Variants in FAM200B observed in about 807,000 individuals in gnomAD.
FAM200B encodes the protein zinc finger BED-type containing 11.
In FAM200B, 32 loss-of-function variants were observed where a neutral mutation model predicts 33.1. That is an observed-to-expected ratio of 0.97 (90% CI 0.73 to 1.30). The LOEUF (loss-of-function observed/expected upper bound fraction) is 1.30, where lower values mean the gene tolerates loss of function less well. Ranked by LOEUF, FAM200B falls within the 50% of genes most tolerant of loss-of-function variation. The probability of loss-of-function intolerance (pLI) is 0.00; values close to 1 mark genes in which losing one functional copy is unlikely to be tolerated. For missense variants in FAM200B, 741 were observed against 754.0 expected, an observed-to-expected ratio of 0.98 and a Z score of 0.20; for synonymous variants, 240 against 264.8, an observed-to-expected ratio of 0.91 and a Z score of 0.91.
the FAM200B span, among the ~76,000 whole-genome samples, chr4:15,655,831 G>A: frequency 6.6e-6 from 1 of 152,220 alleles, no homozygotes; most frequent in African/African-American, 2.4e-5. Flanking sequence ...GCCCGTGCCA[G>A]ATTTTTCCTG....
the FAM200B span, among the ~76,000 whole-genome samples, chr4:15,641,043 A>G: frequency 6.6e-6 from 1 of 152,182 alleles, no homozygotes; most frequent in African/African-American, 2.4e-5. Flanking sequence ...TACCCATAAA[A>G]CAGTAAGCTT....
rs1719043091 is a variant in FAM200B at position 15,687,962 on chromosome 4, C to CA, written c.986dup (p.His329GlnfsTer3). 2.6e-6 allele frequency: 4 copies of CA among 1,551,152 alleles called. No individual in the cohort carries two copies. ...TGCTGTGTGGAATCATTGTTTTATA[C>CA]ATCGTGAAGGTTTAGCATCCAGAGA... On this transcript the variant is annotated frameshift_variant, in exon 2 of 2. Coordinates refer to ENST00000422728, the MANE Select transcript of FAM200B (RefSeq NM_001145191.2). LOFTEE classifies it high-confidence loss of function.
the FAM200B span, among the ~76,000 whole-genome samples, chr4:15,668,540 C>G: frequency 6.6e-6 from 1 of 151,046 alleles, no homozygotes; most frequent in Non-Finnish European, 1.5e-5. Context: ...AAACCAACAG[C>G]CAACATCGTA....
At chr4:15,657,078 C>G in the FAM200B span, among the ~76,000 whole-genome samples, 1 of 152,306 alleles carries the variant, frequency 6.6e-6, no homozygotes, top group East Asian at 1.9e-4. Context: ...CTCTCTTCCT[C>G]CTTCTCCCTT....
chr4:15,671,702 A>G, the FAM200B span, among the ~76,000 whole-genome samples: 3 of 152,078 alleles, frequency 2.0e-5, no homozygotes, highest in South Asian at 2.1e-4. Context: ...CCCTACTCCC[A>G]TTACACACTA....
the FAM200B span, among the ~76,000 whole-genome samples, chr4:15,674,456 A>T: frequency 6.6e-6 from 1 of 151,904 alleles, no homozygotes; most frequent in Non-Finnish European, 1.5e-5. Flanking sequence ...ATGTCCCCCA[A>T]TTTTTATTAT....
the FAM200B span, among the ~76,000 whole-genome samples, chr4:15,651,507 C>G: frequency 6.6e-6 from 1 of 152,124 alleles, no homozygotes. Context: ...CCACAGGTCT[C>G]AATTCAATAT....
chr4:15,649,224 T>C, the FAM200B span, among the ~76,000 whole-genome samples: 1 of 152,006 alleles, frequency 6.6e-6, no homozygotes, highest in Non-Finnish European at 1.5e-5. Context: ...TCAGTTTTTC[T>C]CCACATGAAA....
At chr4:15,638,482 T>C in the FAM200B span, 7 of 1,518,166 alleles carry the variant, frequency 4.6e-6, no homozygotes, top group African/African-American at 1.4e-5. Flanking sequence ...AACTAATAAA[T>C]TGTTCTTTAT....
the FAM200B span, among the ~76,000 whole-genome samples, chr4:15,668,716 G>GA: frequency 0.017 from 2,560 of 152,068 alleles, 73 homozygotes; most frequent in African/African-American, 0.058. Context: ...ACTGACAAAG[G>GA]AAAAAAATAC....
At chr4:15,665,245 CAT>C in the FAM200B span, among the ~76,000 whole-genome samples, 808 of 152,182 alleles carry the variant, frequency 5.3e-3, 6 homozygotes, top group African/African-American at 0.016. Flanking sequence ...TGTTTCAACT[CAT>C]GTGTTTACGT....
the FAM200B span, among the ~76,000 whole-genome samples, chr4:15,665,787 A>G: frequency 6.6e-6 from 1 of 152,206 alleles, no homozygotes; most frequent in African/African-American, 2.4e-5. Flanking sequence ...AGGGAAAAAA[A>G]GAACCCAGTA....
chr4:15,672,356 G>A, the FAM200B span, among the ~76,000 whole-genome samples: 1 of 152,212 alleles, frequency 6.6e-6, no homozygotes, highest in Non-Finnish European at 1.5e-5. Context: ...GATATGTTCT[G>A]AGGAATGCAC....
the FAM200B span, among the ~76,000 whole-genome samples, chr4:15,642,630 T>G: frequency 1.3e-5 from 2 of 152,364 alleles, no homozygotes; most frequent in East Asian, 3.9e-4. Flanking sequence ...CTTCCCAATA[T>G]TCAGTCTAAT....
chr4:15,649,213 C>T, the FAM200B span, among the ~76,000 whole-genome samples: 108 of 151,742 alleles, frequency 7.1e-4, 1 homozygote, highest in African/African-American at 2.6e-3. Flanking sequence ...TACTACCCAA[C>T]TCAGTTTTTC....
intron 1 of FAM200B, among the ~76,000 whole-genome samples, chr4:15,684,437 ATGTTT>A (rs1718634413): frequency 6.6e-6 from 1 of 152,206 alleles, no homozygotes; most frequent in African/African-American, 2.4e-5. Context: ...TTTGTTTAAC[ATGTTT>A]TGTTTAGCAC....
chr4:15,667,304 G>C, the FAM200B span, among the ~76,000 whole-genome samples: 4 of 152,152 alleles, frequency 2.6e-5, no homozygotes, highest in African/African-American at 9.6e-5. Flanking sequence ...ATATGATATA[G>C]GCACTCAACA....
At chr4:15,641,014 G>C in the FAM200B span, 2 of 495,454 alleles carry the variant, frequency 4.0e-6, no homozygotes, top group African/African-American at 4.1e-5. Flanking sequence ...AGTGGTCTCT[G>C]TACTTTTAAC....
chr4:15,647,222 C>CAAA, the FAM200B span, among the ~76,000 whole-genome samples: 256 of 36,274 alleles, frequency 7.1e-3, 2 homozygotes, highest in East Asian at 0.013. Flanking sequence ...GACTCCATCT[C>CAAA]AAAAAAAAAA....
Sources: gnomAD v4.1 joint callset for allele counts (sites outside exome capture counted in the v4.1 genomes callset) on GRCh38, gnomAD v4.1.1 for gene constraint, MANE v1.5 for transcripts, NCBI Gene and HGNC (gene_info 2026-07-23, HGNC 2026-07-21) for gene names.